Variants in UPRT observed in about 807,000 individuals in gnomAD.
UPRT encodes the protein uracil phosphoribosyltransferase homolog.
A neutral mutation model predicts 22.6 loss-of-function variants in UPRT; 5 were observed. The ratio of observed to expected loss-of-function variants is 0.22; its 90% CI spans 0.12 to 0.47. The LOEUF is 0.47. Ranked by LOEUF, UPRT falls within the 20% of genes least tolerant of loss-of-function variation. The probability of loss-of-function intolerance (pLI) is 0.99; values close to 1 mark genes in which losing one functional copy is unlikely to be tolerated. For missense variants in UPRT, 181 were observed against 239.9 expected, an observed-to-expected ratio of 0.75 and a Z score of 1.62; for synonymous variants, 77 against 87.7, an observed-to-expected ratio of 0.88 and a Z score of 0.68.
At chrX:75,176,831 C>T (rs2082248287) in intron 4 of UPRT, among the ~76,000 whole-genome samples, 1 of 111,229 alleles carries the variant, frequency 9.0e-6, no homozygotes, top group African/African-American at 3.3e-5. Context: ...TTTGCCTTCC[C>T]TCCTACAGAA....
intron 4 of UPRT, among the ~76,000 whole-genome samples, chrX:75,222,966 T>C (rs973012731): frequency 1.8e-5 from 2 of 110,571 alleles, no homozygotes; most frequent in African/African-American, 6.6e-5. Flanking sequence ...CAGCACATTT[T>C]TGGAGTCTTG....
intron 4 of UPRT, among the ~76,000 whole-genome samples, chrX:75,238,468 TCCAAATTTATAAAATATTTACTA>T (rs1196611003): frequency 1.8e-5 from 2 of 111,410 alleles, no homozygotes; most frequent in Non-Finnish European, 3.8e-5. Context: ...CACTGGAGCT[TCCAAATTTATAAAATATTTACTA>T]CCAGACCTAA....
intron 4 of UPRT, among the ~76,000 whole-genome samples, chrX:75,261,097 T>G (rs991761260): frequency 9.0e-6 from 1 of 111,619 alleles, no homozygotes; most frequent in African/African-American, 3.3e-5. Flanking sequence ...GGGACACATT[T>G]AAAGCAGTGT....
chrX:75,160,204 C>T (rs1275104960), intron 1 of UPRT, among the ~76,000 whole-genome samples: 3 of 111,750 alleles, frequency 2.7e-5, no homozygotes, highest in East Asian at 5.6e-4. Context: ...AAGGAAGAGG[C>T]GATAAATAGG....
At chrX:75,284,495 G>C (rs1272351917) in intron 1 of UPRT, among the ~76,000 whole-genome samples, 1 of 111,820 alleles carries the variant, frequency 8.9e-6, no homozygotes, top group Admixed American at 9.5e-5. Context: ...GTGTTTCCTT[G>C]ATGTAGTACT....
intron 1 of UPRT, among the ~76,000 whole-genome samples, chrX:75,284,082 C>T (rs939838065): frequency 9.0e-6 from 1 of 111,534 alleles, no homozygotes; most frequent in Non-Finnish European, 1.9e-5. Context: ...TTGTTCAATT[C>T]GGTTGCTGAG....
At chrX:75,180,695 GTTTTTTTTTTTTTTT>G (rs61040746) in intron 4 of UPRT, among the ~76,000 whole-genome samples, 2 of 34,659 alleles carry the variant, frequency 5.8e-5, no homozygotes, top group African/African-American at 2.6e-4. Flanking sequence ...TTTTTTTTTT[GTTTTTTTTTTTTTTT>G]TTTTTTTTTT....
chrX:75,246,885 G>T (rs2147657031), intron 4 of UPRT, among the ~76,000 whole-genome samples: 1 of 111,718 alleles, frequency 9.0e-6, no homozygotes, highest in East Asian at 2.8e-4. Flanking sequence ...GTGTCTGTTG[G>T]CTGCATAAAT....
intron 4 of UPRT, among the ~76,000 whole-genome samples, chrX:75,232,429 G>C (rs1458423446): frequency 1.8e-5 from 2 of 112,761 alleles, no homozygotes; most frequent in African/African-American, 6.4e-5. Context: ...GAACTGGGTG[G>C]AGCCCACCAC....
chrX:75,224,415 T>C (rs751105151), intron 4 of UPRT, among the ~76,000 whole-genome samples: 3 of 111,114 alleles, frequency 2.7e-5, no homozygotes, highest in Non-Finnish European at 5.7e-5. Flanking sequence ...TTTCCTTCTT[T>C]TTTTTTTTAG....
chrX:75,220,817 TC>T (rs1355612719), intron 4 of UPRT, among the ~76,000 whole-genome samples: 1 of 112,012 alleles, frequency 8.9e-6, no homozygotes, highest in Non-Finnish European at 1.9e-5. Flanking sequence ...GATCTGTTCA[TC>T]TTTTAGTCCT....
At chrX:75,255,478 A>C (rs2082546694) in intron 4 of UPRT, among the ~76,000 whole-genome samples, 1 of 111,784 alleles carries the variant, frequency 8.9e-6, no homozygotes, top group Non-Finnish European at 1.9e-5. Context: ...TAGGCAACAG[A>C]TAGCACAATT....
In UPRT at chrX:75,303,758, G is replaced by C; in HGVS notation, c.*247G>C. 1 of 219,966 alleles carries C rather than the reference G, an allele frequency of 4.5e-6. No homozygotes were observed. The highest frequency in any genetic ancestry group is 8.0e-6 in the Non-Finnish European group (1 of 124,684). The allele number at this position is 219,966 out of a possible 1,213,427, so 18.1% of individuals were successfully genotyped here. A position where few individuals can be genotyped will look rare whatever the true frequency, so the allele number is the denominator to read the frequency against. ...TAATAATATTCTAATGCAAATTACT[G>C]AACCCTCAGTGCATTAAAATTATTT... On this transcript the variant is annotated 3_prime_UTR_variant, in exon 7 of 7. Coordinates refer to ENST00000373383, the MANE Select transcript of UPRT (RefSeq NM_145052.4).
chrX:75,276,755 G>A (rs975670213), intron 1 of UPRT, among the ~76,000 whole-genome samples: 4 of 111,334 alleles, frequency 3.6e-5, no homozygotes. Context: ...AGACCATACA[G>A]TTCAAGAATT....
In UPRT at chrX:75,299,869, A is replaced by G; in HGVS notation, c.697A>G (p.Lys233Glu). ...AKFPPDIYRR[K>E]VLLMYPILST... ...ATTCCCCCCAGACATTTACCGGAGA[A>G]AAGTCCTTCTGATGTATCCAATTCT... The change falls in exon 5 of 7, where the codon AAA becomes GAA. Residue 233 changes from lysine (K) to glutamate (E), a missense_variant. By Grantham distance (56) the Lys-to-Glu change is moderately conservative. Around this residue, in one of 2 missense-constraint regions of UPRT, gnomAD observed 70 missense variants for 137.0 expected, o/e 0.51. Coordinates refer to ENST00000373383, the MANE Select transcript of UPRT (RefSeq NM_145052.4). 1 of 1,211,739 alleles carries G rather than the reference A, an allele frequency of 8.3e-7. No individual in the cohort carries two copies. Among genetic ancestry groups the G allele is most frequent in the Non-Finnish European group, 1.1e-6 (1 of 895,489 alleles).
Position 75,196,795 on chromosome X carries a change from C to T in UPRT, c.-447+28916C>T, listed in dbSNP as rs189882659. On this transcript the variant is annotated intron_variant, in intron 4 of 13. Coordinates refer to the UPRT transcript ENST00000652605. ...TTGGGAGGTGGAGGTTGCACTGAGC[C>T]GAGATCGTGCCACTGCACTCCAGCC... Among the ~76,000 whole-genome samples, 22 of 110,824 alleles carry T rather than the reference C, an allele frequency of 2.0e-4. No individual in the cohort carries two copies. In the East Asian group the frequency reaches 3.7e-3, roughly 19 times the overall value.
chrX:75,287,606 A>T (rs752242037), intron 1 of UPRT, among the ~76,000 whole-genome samples: 3 of 111,494 alleles, frequency 2.7e-5, no homozygotes, highest in African/African-American at 9.7e-5. Context: ...TCCACATTAA[A>T]TTGAGGATTT....
chrX:75,167,092 G>T (rs999216025), intron 3 of UPRT, among the ~76,000 whole-genome samples: 3 of 111,829 alleles, frequency 2.7e-5, no homozygotes, highest in African/African-American at 6.5e-5. Context: ...TGTATCTTCA[G>T]CAATACTTGA....
At chrX:75,231,761 A>G (rs1290668997) in intron 4 of UPRT, among the ~76,000 whole-genome samples, 1 of 112,327 alleles carries the variant, frequency 8.9e-6, no homozygotes, top group Non-Finnish European at 1.9e-5. Context: ...CTCAGCAGAA[A>G]ACCTGCAAGC....
Sources: allele counts gnomAD v4.1 joint callset (sites outside exome capture counted in the v4.1 genomes callset), GRCh38; gene constraint gnomAD v4.1.1; regional missense constraint gnomAD v4.1.1; transcripts MANE v1.5; gene names NCBI Gene and HGNC (gene_info 2026-07-23, HGNC 2026-07-21).